The following PPP2R2B variants were observed in gnomAD, a reference collection of about 807,000 sequenced individuals.
PPP2R2B encodes protein phosphatase 2 regulatory subunit Bbeta.
In PPP2R2B, 5 loss-of-function variants were observed where a neutral mutation model predicts 46.0. The observed-to-expected ratio is 0.11, with a 90% CI of 0.06 to 0.23. PPP2R2B has a LOEUF of 0.23. Ranked by LOEUF, PPP2R2B falls within the 10% of genes least tolerant of loss-of-function variation. PPP2R2B has a pLI of 1.00. For synonymous variants in PPP2R2B, 215 were observed against 206.7 expected (o/e 1.04, Z -0.34); for missense variants, 367 against 575.0 (o/e 0.64, Z 3.70).
chr5:146,943,496 T>C (rs1764387068), intron 1 of PPP2R2B, among the ~76,000 whole-genome samples: 1 of 152,214 alleles, frequency 6.6e-6, no homozygotes. Context: ...CATGAGGTTG[T>C]AAGAAAGTAA....
At chr5:146,698,837 A>G (rs1009710815) in intron 3 of PPP2R2B, among the ~76,000 whole-genome samples, 1 of 151,546 alleles carries the variant, frequency 6.6e-6, no homozygotes, top group African/African-American at 2.4e-5. Context: ...ATGAGACTTT[A>G]CCTCTTGGCT....
chr5:146,709,078 T>A (rs1780069632), intron 2 of PPP2R2B, among the ~76,000 whole-genome samples: 1 of 152,254 alleles, frequency 6.6e-6, no homozygotes, highest in Non-Finnish European at 1.5e-5. Context: ...AATTGTTTCC[T>A]CTGTCATCCA....
chr5:147,069,461 T>A (rs1171645126), intron 2 of PPP2R2B, among the ~76,000 whole-genome samples: 1 of 152,094 alleles, frequency 6.6e-6, no homozygotes, highest in African/African-American at 2.4e-5. Context: ...ACACAATTAT[T>A]TACCATGGCT....
chr5:146,942,280 G>T (rs1188614200), intron 1 of PPP2R2B, among the ~76,000 whole-genome samples: 1 of 152,106 alleles, frequency 6.6e-6, no homozygotes, highest in Non-Finnish European at 1.5e-5. Flanking sequence ...AAAAAGAGAG[G>T]TATAAAGAAG....
intron 4 of PPP2R2B, among the ~76,000 whole-genome samples, chr5:146,694,913 T>A (rs558087219): frequency 6.6e-6 from 1 of 152,218 alleles, no homozygotes; most frequent in Admixed American, 6.5e-5. Context: ...CCAACGTCTA[T>A]CCCTGCAAAT....
chr5:146,739,729 A>G (rs143933252), intron 2 of PPP2R2B, among the ~76,000 whole-genome samples: 21 of 152,326 alleles, frequency 1.4e-4, no homozygotes, highest in African/African-American at 4.8e-4. Context: ...ACATTCCATG[A>G]TCACTATTTA....
At chr5:146,958,396 G>A (rs2151840150) in intron 1 of PPP2R2B, among the ~76,000 whole-genome samples, 1 of 152,192 alleles carries the variant, frequency 6.6e-6, no homozygotes, top group South Asian at 2.1e-4. Flanking sequence ...CACTTTCTGG[G>A]TATGGCATAT....
In PPP2R2B at chr5:147,032,399, G is replaced by A. The variant is rs558619158; in HGVS notation, c.79+23266C>T. Among the ~76,000 whole-genome samples the A allele has an allele frequency of 1.3e-4, 20 of 152,186 alleles. No homozygotes were observed. The South Asian group carries it at 2.3e-3, about 17-fold the overall frequency. On this transcript the variant is annotated intron_variant, in intron 1 of 8. Coordinates refer to the PPP2R2B transcript ENST00000336640. ...ACTGGAACAGAGGTGTGTCTATCTCGTTTGGTTACATGAATAAGTTCTTTA... is the reference window on the plus strand; with the variant it reads ...ACTGGAACAGAGGTGTGTCTATCTCATTTGGTTACATGAATAAGTTCTTTA...
intron 6 of PPP2R2B, among the ~76,000 whole-genome samples, chr5:146,643,640 T>C (rs1775376715): frequency 6.6e-6 from 1 of 152,154 alleles, no homozygotes; most frequent in African/African-American, 2.4e-5. Context: ...TTGGGTTCAG[T>C]GTATACTGCT....
chr5:146,792,258 T>C (rs1456768298), intron 2 of PPP2R2B, among the ~76,000 whole-genome samples: 2 of 152,224 alleles, frequency 1.3e-5, no homozygotes, highest in Non-Finnish European at 2.9e-5. Flanking sequence ...TTTTTTAGCC[T>C]GTTTAACCAA....
At chr5:146,778,143 G>A (rs79064907) in intron 2 of PPP2R2B, among the ~76,000 whole-genome samples, 6,603 of 152,078 alleles carry the variant, frequency 0.043, 148 homozygotes, top group African/African-American at 0.054. Flanking sequence ...TTTGGGTTCC[G>A]GCATTCCTGA....
chr5:146,990,594 G>A (rs567292777), intron 1 of PPP2R2B, among the ~76,000 whole-genome samples: 196 of 152,066 alleles, frequency 1.3e-3, no homozygotes, highest in African/African-American at 4.6e-3. Flanking sequence ...CAAATACAAG[G>A]CTTAAAACTA....
At chr5:146,738,701 A>G (rs186543559) in intron 2 of PPP2R2B, among the ~76,000 whole-genome samples, 76 of 152,270 alleles carry the variant, frequency 5.0e-4, no homozygotes, top group Non-Finnish European at 9.1e-4. Context: ...ATGGGCAGAG[A>G]GCACCTTGGT....
intron 2 of PPP2R2B, among the ~76,000 whole-genome samples, chr5:146,809,390 G>T (rs1413802198): frequency 6.6e-6 from 1 of 151,376 alleles, no homozygotes; most frequent in Non-Finnish European, 1.5e-5. Flanking sequence ...AATAGTTCTG[G>T]GTCTCAAAGA....
intron 2 of PPP2R2B, among the ~76,000 whole-genome samples, chr5:146,758,752 A>T (rs1272455315): frequency 6.6e-6 from 1 of 152,202 alleles, no homozygotes; most frequent in Non-Finnish European, 1.5e-5. Flanking sequence ...ACTGGTTTGC[A>T]GAAGACAGAG....
chr5:146,820,359 C>A (rs1385724212), intron 2 of PPP2R2B, among the ~76,000 whole-genome samples: 2 of 151,988 alleles, frequency 1.3e-5, no homozygotes, highest in Non-Finnish European at 2.9e-5. Context: ...ATTTTAAACA[C>A]ACAAAACAAA....
chr5:146,840,966 T>C (rs1473146160), intron 2 of PPP2R2B, among the ~76,000 whole-genome samples: 2 of 152,114 alleles, frequency 1.3e-5, no homozygotes, highest in Admixed American at 6.6e-5. Context: ...AAGACAAATA[T>C]GTATTAAACA....
At chr5:146,748,655 T>A (rs1020077337) in intron 2 of PPP2R2B, among the ~76,000 whole-genome samples, 4 of 152,194 alleles carry the variant, frequency 2.6e-5, no homozygotes, top group Non-Finnish European at 4.4e-5. Flanking sequence ...ATTGGCTTTT[T>A]TTTCCCTCAA....
At chr5:146,732,279 A>G (rs1228246409) in intron 2 of PPP2R2B, among the ~76,000 whole-genome samples, 3 of 152,220 alleles carry the variant, frequency 2.0e-5, no homozygotes, top group Admixed American at 2.0e-4. Context: ...ATGCACATAC[A>G]TTGATAAAAA....
Sources: allele counts gnomAD v4.1 joint callset (sites outside exome capture counted in the v4.1 genomes callset), GRCh38; gene constraint gnomAD v4.1.1; transcripts MANE v1.5; gene names NCBI Gene and HGNC (gene_info 2026-07-23, HGNC 2026-07-21).